The following PYY variants were observed in gnomAD, a reference collection of about 807,000 sequenced individuals.
The protein encoded by PYY is peptide YY.
PYY carries 12 observed loss-of-function variants against 10.3 expected under a neutral mutation model. That is an observed-to-expected ratio of 1.17 (90% CI 0.75 to 1.89). The LOEUF (loss-of-function observed/expected upper bound fraction) is 1.89, where lower values mean the gene tolerates loss of function less well. Among genes scored for constraint, PYY ranks in the 40% most tolerant of loss-of-function variants. The pLI is 0.00. For missense variants in PYY, 141 were observed against 134.0 expected, an observed-to-expected ratio of 1.05 and a Z score of -0.26; for synonymous variants, 66 against 62.0, an observed-to-expected ratio of 1.06 and a Z score of -0.30.
chr17:43,957,118 A>C (rs984075629), upstream of PYY, among the ~76,000 whole-genome samples: 4 of 151,646 alleles, frequency 2.6e-5, no homozygotes, highest in Admixed American at 6.6e-5. Flanking sequence ...AAATTGCTTG[A>C]ATCCAGGAGG....
rs772620977 is a variant in PYY at position 43,952,913 on chromosome 17, C to G, written c.*43G>C. 1.3e-6 allele frequency: 2 copies of G among 1,526,178 alleles called. No individual in the cohort carries two copies. The highest frequency in any genetic ancestry group is 4.7e-5 in the Admixed American group (2 of 42,690). The allele number at this position is 1,526,178 out of a possible 1,614,324, so 94.5% of individuals were successfully genotyped here. A position where few individuals can be genotyped will look rare whatever the true frequency, so the allele number is the denominator to read the frequency against. On this transcript the variant is annotated 3_prime_UTR_variant, in exon 4 of 4. Transcript: ENST00000692052. ...GGGTCGGGAGTGCGTATGCAAATGACGTGGGCGTGGTTGGCAGATCTCCCA... is the reference window on the plus strand; with the variant it reads ...GGGTCGGGAGTGCGTATGCAAATGAGGTGGGCGTGGTTGGCAGATCTCCCA...
At chr17:43,981,251 G>A (rs1210604739) in intron 1 of PYY, among the ~76,000 whole-genome samples, 1 of 152,104 alleles carries the variant, frequency 6.6e-6, no homozygotes. Flanking sequence ...TTGAATTGCT[G>A]GGTTATAGGG....
In PYY at chr17:43,986,711, C is replaced by A. The variant is rs376284828; in HGVS notation, c.-463+17680G>T. 7.9e-4 allele frequency among the ~76,000 whole-genome samples: 121 copies of A among 152,336 alleles called. 3 individuals are homozygous for A. Among genetic ancestry groups the A allele is most frequent in the African/African-American group, 2.8e-3 (115 of 41,562 alleles). On this transcript the variant is annotated intron_variant, in intron 1 of 6. Transcript: ENST00000360085. ...GGGGTTCATTATACCCTTCCCAGGGCTGCTGTCTGCCTCAGGACTCAGAAA... is the reference window on the plus strand; with the variant it reads ...GGGGTTCATTATACCCTTCCCAGGGATGCTGTCTGCCTCAGGACTCAGAAA...
intron 1 of PYY, among the ~76,000 whole-genome samples, chr17:43,976,430 TACAC>T (rs889092112): frequency 1.3e-5 from 2 of 149,992 alleles, no homozygotes; most frequent in Non-Finnish European, 3.0e-5. Context: ...TATACATATA[TACAC>T]ATATACATGT....
chr17:43,958,159 A>AAAAAAAAAAAAAAAAT (rs2048688268), upstream of PYY: 1 of 150,144 alleles, frequency 6.7e-6, no homozygotes. Context: ...AAAAAAAAAG[A>AAAAAAAAAAAAAAAAT]ATGGGCATGG....
intron 1 of PYY, among the ~76,000 whole-genome samples, chr17:43,998,128 G>A (rs1050683083): frequency 3.3e-5 from 5 of 151,944 alleles, no homozygotes; most frequent in Admixed American, 6.6e-5. Context: ...TAGTAGAGAC[G>A]GAGTTTCACC....
At position 43,952,877 on chromosome 17, in the gene PYY, C is replaced by T; in HGVS notation, c.*79G>A. 7.0e-7 allele frequency: 1 copy of T among 1,437,134 alleles called. No individual in the cohort carries two copies. The highest frequency in any genetic ancestry group is 9.3e-7 in the Non-Finnish European group (1 of 1,078,482). 89.0% of individuals were successfully genotyped at this position (1,437,134 alleles called of 1,614,324 possible). A position where few individuals can be genotyped will look rare whatever the true frequency, so the allele number is the denominator to read the frequency against. ...AGACGCCGCCGTCGGGAGGCAGAAT[C>T]CGGGTTTCTGGGGTCGGGAGTGCGT... is the stretch of plus-strand genomic sequence containing the variant. On this transcript the variant is annotated 3_prime_UTR_variant, in exon 4 of 4. Transcript: ENST00000692052.
At chr17:43,994,787 G>A (rs375035300) in intron 1 of PYY, among the ~76,000 whole-genome samples, 32 of 152,342 alleles carry the variant, frequency 2.1e-4, no homozygotes, top group African/African-American at 7.7e-4. Flanking sequence ...GCGTTTTCCC[G>A]GAAGGGTTGG....
At chr17:43,995,918 G>T (rs908934969) in intron 1 of PYY, among the ~76,000 whole-genome samples, 14 of 152,008 alleles carry the variant, frequency 9.2e-5, no homozygotes, top group South Asian at 4.2e-4. Flanking sequence ...ACTTTGGGAG[G>T]CCAAGGCAGT....
chr17:43,996,229 C>T (rs1196981185), intron 1 of PYY, among the ~76,000 whole-genome samples: 1 of 152,114 alleles, frequency 6.6e-6, no homozygotes, highest in Admixed American at 6.6e-5. Flanking sequence ...TGAAGCTGCT[C>T]CAAATCAGCC....
At chr17:43,973,453 C>A (rs988272515) in intron 1 of PYY, among the ~76,000 whole-genome samples, 1 of 152,208 alleles carries the variant, frequency 6.6e-6, no homozygotes, top group Non-Finnish European at 1.5e-5. Context: ...GGCATTCATC[C>A]AGCGCTGTTT....
chr17:43,977,638 C>A (rs1480460547), intron 1 of PYY, among the ~76,000 whole-genome samples: 2 of 152,108 alleles, frequency 1.3e-5, no homozygotes, highest in Admixed American at 1.3e-4. Flanking sequence ...ACTCTGTGTC[C>A]TCAGCCCAGT....
At chr17:43,990,158 C>A (rs28690110) in intron 1 of PYY, among the ~76,000 whole-genome samples, 1 of 151,256 alleles carries the variant, frequency 6.6e-6, no homozygotes, top group Admixed American at 6.6e-5. Context: ...AGCTTCTCGA[C>A]GGGGCGAGGT....
upstream of PYY, among the ~76,000 whole-genome samples, chr17:43,954,544 C>T (rs943651856): frequency 6.7e-6 from 1 of 150,316 alleles, no homozygotes; most frequent in Non-Finnish European, 1.5e-5. Context: ...CCATTATGTC[C>T]TCTCTCTATT....
At chr17:43,959,123 A>C (rs1170758071) in intron 2 of PYY, among the ~76,000 whole-genome samples, 1 of 152,230 alleles carries the variant, frequency 6.6e-6, no homozygotes, top group Non-Finnish European at 1.5e-5. Flanking sequence ...AGAAAGTCAA[A>C]GGGTAATTTG....
At chr17:43,972,169 G>T (rs1393219215) in intron 1 of PYY, among the ~76,000 whole-genome samples, 3 of 142,964 alleles carry the variant, frequency 2.1e-5, no homozygotes, top group East Asian at 5.1e-4. Flanking sequence ...TGTTACTTTA[G>T]TTATTTATTT....
intron 2 of PYY, among the ~76,000 whole-genome samples, chr17:43,964,915 G>T (rs1046324294): frequency 6.6e-6 from 1 of 152,164 alleles, no homozygotes; most frequent in African/African-American, 2.4e-5. Context: ...AAAATAAATG[G>T]GATTTTTAAT....
At chr17:43,963,444 G>A (rs1379432706) in intron 2 of PYY, among the ~76,000 whole-genome samples, 2 of 146,234 alleles carry the variant, frequency 1.4e-5, no homozygotes, top group Admixed American at 7.0e-5. Flanking sequence ...GGAGGCGGAG[G>A]TTACAGCGAG....
At chr17:43,957,382 G>C (rs901777469), upstream of PYY, among the ~76,000 whole-genome samples, 6 of 151,966 alleles carry the variant, frequency 3.9e-5, no homozygotes, top group African/African-American at 1.5e-4. Context: ...TGGAGGCTGG[G>C]TGCGGTGGCT....
Sources: allele counts gnomAD v4.1 joint callset (sites outside exome capture counted in the v4.1 genomes callset), GRCh38; gene constraint gnomAD v4.1.1; transcripts MANE v1.5; gene names NCBI Gene and HGNC (gene_info 2026-07-23, HGNC 2026-07-21).